Variants in KCNJ3 observed in about 807,000 individuals in gnomAD.
KCNJ3 encodes the protein potassium inwardly rectifying channel subfamily J member 3.
A neutral mutation model predicts 39.2 loss-of-function variants in KCNJ3; 4 were observed. The ratio of observed to expected loss-of-function variants is 0.10; its 90% CI spans 0.05 to 0.23. The LOEUF (loss-of-function observed/expected upper bound fraction) is 0.23. Ranked by LOEUF, KCNJ3 falls within the 10% of genes least tolerant of loss-of-function variation. KCNJ3 has a pLI of 1.00. For missense variants in KCNJ3, 276 were observed against 634.9 expected, an observed-to-expected ratio of 0.43 and a Z score of 6.08; for synonymous variants, 230 against 237.4, an observed-to-expected ratio of 0.97 and a Z score of 0.29.
intron 2 of KCNJ3, among the ~76,000 whole-genome samples, chr2:154,784,693 C>T (rs938296160): frequency 6.6e-6 from 1 of 152,072 alleles, no homozygotes; most frequent in Non-Finnish European, 1.5e-5. Context: ...GACAGTCTAA[C>T]TTTTTAAAAG....
intron 2 of KCNJ3, among the ~76,000 whole-genome samples, chr2:154,772,690 A>C (rs1349340798): frequency 6.6e-6 from 1 of 152,178 alleles, no homozygotes; most frequent in East Asian, 1.9e-4. Context: ...TTAAACATTA[A>C]CTGAGAAAAT....
At chr2:154,806,601 A>G (rs1199524853) in intron 2 of KCNJ3, among the ~76,000 whole-genome samples, 1 of 152,128 alleles carries the variant, frequency 6.6e-6, no homozygotes, top group Non-Finnish European at 1.5e-5. Context: ...AACATACTGG[A>G]TGCTAAGAGA....
At chr2:154,712,641 T>A (rs1685117246) in intron 2 of KCNJ3, among the ~76,000 whole-genome samples, 1 of 151,892 alleles carries the variant, frequency 6.6e-6, no homozygotes, top group African/African-American at 2.4e-5. Context: ...TCTAAGGAGG[T>A]GGCAGACTAT....
intron 2 of KCNJ3, among the ~76,000 whole-genome samples, chr2:154,727,090 C>T (rs1390071108): frequency 1.3e-5 from 2 of 151,936 alleles, no homozygotes; most frequent in Admixed American, 6.6e-5. Context: ...ATGGGTGCAC[C>T]AAAATCCCAG....
intron 2 of KCNJ3, among the ~76,000 whole-genome samples, chr2:154,791,199 C>T (rs1161582479): frequency 1.3e-5 from 2 of 152,022 alleles, no homozygotes; most frequent in African/African-American, 4.8e-5. Flanking sequence ...GCTTAAAATA[C>T]ATCACCTAAG....
chr2:154,829,884 G>C (rs1212613913), intron 2 of KCNJ3, among the ~76,000 whole-genome samples: 2 of 152,112 alleles, frequency 1.3e-5, no homozygotes, highest in Non-Finnish European at 2.9e-5. Context: ...CTAATGATTA[G>C]TGATGTTGAG....
intron 2 of KCNJ3, among the ~76,000 whole-genome samples, chr2:154,710,438 C>T (rs1340035529): frequency 6.6e-6 from 1 of 152,172 alleles, no homozygotes; most frequent in Non-Finnish European, 1.5e-5. Context: ...TTCTCCTTAA[C>T]ATCCAATATA....
chr2:154,853,983 C>G (rs1453839862), intron 2 of KCNJ3, among the ~76,000 whole-genome samples: 1 of 152,150 alleles, frequency 6.6e-6, no homozygotes, highest in African/African-American at 2.4e-5. Context: ...TGAGCAAAAG[C>G]TTATTCTGGC....
At chr2:154,850,375 G>T (rs576807586) in intron 2 of KCNJ3, among the ~76,000 whole-genome samples, 1 of 152,082 alleles carries the variant, frequency 6.6e-6, no homozygotes, top group Non-Finnish European at 1.5e-5. Context: ...TATGGTACAT[G>T]CATGTTCTTA....
At chr2:154,705,824 T>G (rs1166459607) in intron 1 of KCNJ3, among the ~76,000 whole-genome samples, 1 of 152,226 alleles carries the variant, frequency 6.6e-6, no homozygotes, top group African/African-American at 2.4e-5. Context: ...TCTTCAATTT[T>G]TATAACTCCC....
intron 2 of KCNJ3, among the ~76,000 whole-genome samples, chr2:154,848,951 C>G (rs1356135761): frequency 6.6e-6 from 1 of 152,148 alleles, no homozygotes; most frequent in Non-Finnish European, 1.5e-5. Context: ...GCTTTTGTAA[C>G]CAAAAGTTGA....
chr2:154,761,467 A>G (rs993451719), intron 2 of KCNJ3, among the ~76,000 whole-genome samples: 2 of 152,286 alleles, frequency 1.3e-5, no homozygotes, highest in African/African-American at 4.8e-5. Flanking sequence ...GATCAGCTCT[A>G]TCAAGCTCTA....
At chr2:154,725,115 T>A (rs1685331129) in intron 2 of KCNJ3, among the ~76,000 whole-genome samples, 1 of 151,298 alleles carries the variant, frequency 6.6e-6, no homozygotes, top group African/African-American at 2.4e-5. Context: ...CTTATTGGTA[T>A]AATATCAACT....
chr2:154,793,858 G>A (rs1574464799), intron 2 of KCNJ3, among the ~76,000 whole-genome samples: 1 of 152,102 alleles, frequency 6.6e-6, no homozygotes, highest in East Asian at 1.9e-4. Flanking sequence ...AGAGGGAATG[G>A]CTATGGATTA....
At chr2:154,741,888 C>A (rs1685659738) in intron 2 of KCNJ3, among the ~76,000 whole-genome samples, 1 of 151,830 alleles carries the variant, frequency 6.6e-6, no homozygotes, top group Non-Finnish European at 1.5e-5. Context: ...GTAAAATAAA[C>A]ATAAAATTTA....
chr2:154,789,211 C>G (rs1251361777), intron 2 of KCNJ3, among the ~76,000 whole-genome samples: 1 of 151,844 alleles, frequency 6.6e-6, no homozygotes, highest in African/African-American at 2.4e-5. Context: ...ATCAACAAAT[C>G]CAGAAGTTAC....
intron 2 of KCNJ3, among the ~76,000 whole-genome samples, chr2:154,852,058 C>T (rs1687765198): frequency 6.6e-6 from 1 of 152,176 alleles, no homozygotes; most frequent in African/African-American, 2.4e-5. Flanking sequence ...CCTGAATTTA[C>T]TTTAACTCAT....
intron 2 of KCNJ3, among the ~76,000 whole-genome samples, chr2:154,830,818 G>A (rs1397301882): frequency 6.6e-6 from 1 of 152,064 alleles, no homozygotes; most frequent in Non-Finnish European, 1.5e-5. Flanking sequence ...AAAACTGTCA[G>A]ACAAATTTGA....
intron 2 of KCNJ3, among the ~76,000 whole-genome samples, chr2:154,841,999 C>T (rs965731158): frequency 6.6e-6 from 1 of 151,952 alleles, no homozygotes; most frequent in African/African-American, 2.4e-5. Flanking sequence ...AATGTGTTTC[C>T]TCTTGCTTCT....
Sources: allele counts gnomAD v4.1 joint callset (sites outside exome capture counted in the v4.1 genomes callset), GRCh38; gene constraint gnomAD v4.1.1; transcripts MANE v1.5; gene names NCBI Gene and HGNC (gene_info 2026-07-23, HGNC 2026-07-21).